Variants in BEGAIN observed in about 807,000 individuals in gnomAD.
BEGAIN encodes the protein brain enriched guanylate kinase associated, also known as brain-enriched guanylate kinase-associated protein.
Under a neutral mutation model 35.8 loss-of-function variants are expected in BEGAIN, and 19 were observed. That is an observed-to-expected ratio of 0.53 (90% confidence interval 0.37 to 0.78). BEGAIN has a LOEUF of 0.78. Ranked by LOEUF, BEGAIN falls within the 30% of genes least tolerant of loss-of-function variation. The pLI is 0.00. For missense variants in BEGAIN, 795 were observed against 853.6 expected, an observed-to-expected ratio of 0.93 and a Z score of 0.85; for synonymous variants, 462 against 388.6, an observed-to-expected ratio of 1.19 and a Z score of -2.22.
Position 100,538,734 on chromosome 14 carries a change from G to T in BEGAIN, c.1074C>A (p.Pro358=). The T allele has an allele frequency of 6.4e-7, 1 of 1,569,642 alleles. No individual in the cohort carries two copies. Among genetic ancestry groups the T allele is most frequent in the Non-Finnish European group, 8.6e-7 (1 of 1,158,140 alleles). Residue 358 remains proline, a synonymous_variant, in exon 7 of 7, where the codon CCC becomes CCA. Transcript: ENST00000554140. ...SRDELFDRKP[P]ATTYEGSPRF... is the part of the protein sequence containing the mutation. ...GAGGGCTGCCCTCGTAGGTGGTGGC[G>T]GGTGGCTTGCGGTCGAAGAGCTCGT...
rs2035466964 is a variant in BEGAIN, at chr14:100,587,269, G to C, written c.22C>G (p.Pro8Ala). MWTGGRRPGRLRRAASAA... is the reference protein window; with the variant it reads MWTGGRRAGRLRRAASAA... Reference sequence around the variant, plus strand: ...CTCACCGCCCGGCGCAGCCGGCCCGGCCGGCGACCGCCAGTCCACATGGCC... The same window carrying C: ...CTCACCGCCCGGCGCAGCCGGCCCGCCCGGCGACCGCCAGTCCACATGGCC... The change falls in exon 1 of 7, where the codon CCG becomes GCG. Residue 8 changes from proline to alanine, a missense_variant. This residue lies in a region of BEGAIN where 58 missense variants were observed against 62.7 expected (regional missense o/e 0.92). Transcript: ENST00000554140. 1 of 189,656 alleles carries C rather than the reference G, an allele frequency of 5.3e-6. No homozygotes were observed. Among genetic ancestry groups the C allele is most frequent in the Admixed American group, 5.4e-5 (1 of 18,538 alleles). 11.7% of individuals were successfully genotyped at this position (189,656 alleles called of 1,614,324 possible).
At chr14:100,571,213 G>A (rs1011775386) in intron 1 of BEGAIN, among the ~76,000 whole-genome samples, 2 of 152,200 alleles carry the variant, frequency 1.3e-5, no homozygotes, top group Non-Finnish European at 2.9e-5. Context: ...CAGCCCAGCA[G>A]CCACCTTTAT....
In BEGAIN at chr14:100,555,679, G is replaced by A. The variant is rs148954384; in HGVS notation, c.72-9017C>T. Among the ~76,000 whole-genome samples the A allele has an allele frequency of 4.3e-3, 662 of 152,354 alleles. 1 individual carries two copies. The highest frequency in any genetic ancestry group is 7.5e-3 in the Non-Finnish European group (510 of 68,036). On this transcript the variant is annotated intron_variant, in intron 2 of 6. Coordinates refer to ENST00000554140, the MANE Select transcript of BEGAIN (RefSeq NM_001385089.1). ...GAGATGCCAGATTTTAATGTAAATA[G>A]TAGCGCTTTAGCCATCCTGGTGCGT...
rs908933191 is a variant in BEGAIN, at chr14:100,568,362, CG to C, written c.43-424del. 10 of 1,164,968 alleles carry C rather than the reference CG, an allele frequency of 8.6e-6. No homozygotes were observed. The African/African-American group carries it at 1.6e-4, about 19-fold the overall frequency. The allele number at this position is 1,164,968 out of a possible 1,614,324, so 72.2% of individuals were successfully genotyped here. On this transcript the variant is annotated intron_variant, in intron 1 of 6. Coordinates refer to ENST00000554140, the MANE Select transcript of BEGAIN (RefSeq NM_001385089.1). This position sits in a 1 kb window ranked among gnomAD's most constrained non-coding sequence, Gnocchi z 7.5. Reference sequence around the variant, plus strand: ...CCCCGCGCTCCCTCCCGGAGGAAGCCGAACCCCGGAATCGCAGAACCTCCGA... The same window carrying C: ...CCCCGCGCTCCCTCCCGGAGGAAGCCAACCCCGGAATCGCAGAACCTCCGA...
rs1595156419 is a variant in BEGAIN at position 100,586,367 on chromosome 14, T to C, written c.42+882A>G. Among the ~76,000 whole-genome samples, 1 of 152,120 alleles carries C rather than the reference T, an allele frequency of 6.6e-6. No individual in the cohort carries two copies. The highest frequency in any genetic ancestry group is 2.1e-4 in the South Asian group (1 of 4,832). ...CTGCACTGGCGGCCGACCTTGGCCA[T>C]GCGGACTTTGCACGTGCAGTGCTCC... On this transcript the variant is annotated intron_variant, in intron 1 of 6. Transcript: ENST00000554140. The surrounding 1 kb of genome is among the most constrained non-coding windows in gnomAD (Gnocchi z 4.9).
At chr14:100,566,615 G>A (rs1036722805) in intron 2 of BEGAIN, among the ~76,000 whole-genome samples, 3 of 152,346 alleles carry the variant, frequency 2.0e-5, no homozygotes, top group African/African-American at 7.2e-5. Flanking sequence ...TGGGCCTGAG[G>A]TCATCTGTGT....
Position 100,538,331 on chromosome 14 carries a change from C to T in BEGAIN, c.1477G>A (p.Asp493Asn). 1 of 1,519,648 alleles carries T rather than the reference C, an allele frequency of 6.6e-7. No individual in the cohort carries two copies. Among genetic ancestry groups the T allele is most frequent in the East Asian group, 2.3e-5 (1 of 43,248 alleles). 94.1% of individuals were successfully genotyped at this position (1,519,648 alleles called of 1,614,324 possible). The change falls in exon 7 of 7, where the codon GAC becomes AAC. Residue 493 changes from aspartate to asparagine, a missense_variant. Asp to Asn is a conservative substitution (Grantham distance 23, BLOSUM62 1). Around this residue, in one of 3 missense-constraint regions of BEGAIN, gnomAD observed 664 missense variants for 647.7 expected, o/e 1.03. Coordinates refer to ENST00000554140, the MANE Select transcript of BEGAIN (RefSeq NM_001385089.1). ...ASPLYASYKA[D>N]SFSEGDDLSQ... ...AGGTCGTCCCCCTCGGAGAAGCTGTCGGCCTTGTAGCTGGCGTAGAGCGGG... is the reference window on the plus strand; with the variant it reads ...AGGTCGTCCCCCTCGGAGAAGCTGTTGGCCTTGTAGCTGGCGTAGAGCGGG...
At chr14:100,575,329 A>G (rs1008973997) in intron 1 of BEGAIN, among the ~76,000 whole-genome samples, 2 of 152,184 alleles carry the variant, frequency 1.3e-5, no homozygotes, top group Admixed American at 1.3e-4. Context: ...TCAACAGACA[A>G]GCCCCTGTGA....
Position 100,568,305 on chromosome 14 carries a change from G to GCTCCCCCCCCCCCCCCCCTTTACCCCTCC in BEGAIN, c.43-367_43-366insGGAGGGGTAAAGGGGGGGGGGGGGGGGAG. ...ACTCTCCGGCGGCCGCGGCCCCGCT[G>GCTCCCCCCCCCCCCCCCCTTTACCCCTCC]CTCCCCCCGCCCCGCCCGTTAACCC... On this transcript the variant is annotated intron_variant, in intron 1 of 6. Transcript: ENST00000554140. This position sits in a 1 kb window ranked among gnomAD's most constrained non-coding sequence, Gnocchi z 7.5. 1.3e-6 allele frequency: 1 copy of GCTCCCCCCCCCCCCCCCCTTTACCCCTCC among 766,382 alleles called. No individual in the cohort carries two copies. The highest frequency in any genetic ancestry group is 2.7e-5 in the Admixed American group (1 of 36,516). 47.5% of individuals were successfully genotyped at this position (766,382 alleles called of 1,614,324 possible).
chr14:100,582,899 T>C (rs992558596), intron 1 of BEGAIN, among the ~76,000 whole-genome samples: 1 of 151,696 alleles, frequency 6.6e-6, no homozygotes, highest in African/African-American at 2.4e-5. Flanking sequence ...GCCTGCGTAG[T>C]ATATGTCTCT....
At chr14:100,570,857 C>T (rs892410352) in intron 1 of BEGAIN, among the ~76,000 whole-genome samples, 1 of 152,202 alleles carries the variant, frequency 6.6e-6, no homozygotes, top group African/African-American at 2.4e-5. Flanking sequence ...GAAACGGAGG[C>T]CAGCGCATGA....
Position 100,540,625 on chromosome 14 carries a change from G to A in BEGAIN, c.409-46C>T, listed in dbSNP as rs770124802. 1.8e-5 allele frequency: 26 copies of A among 1,456,760 alleles called. No individual in the cohort carries two copies. The African/African-American group carries it at 3.4e-4, about 19-fold the overall frequency. The allele number at this position is 1,456,760 out of a possible 1,614,324, so 90.2% of individuals were successfully genotyped here. On this transcript the variant is annotated intron_variant, in intron 5 of 6. Transcript: ENST00000554140. Reference sequence around the variant, plus strand: ...TTTGGCGCCATTCACCCCAGCCAAGGCCCCGCCGCCCTGACCAGCGCCAAG... The same window carrying A: ...TTTGGCGCCATTCACCCCAGCCAAGACCCCGCCGCCCTGACCAGCGCCAAG...
chr14:100,570,222 G>T (rs996376613), intron 1 of BEGAIN, among the ~76,000 whole-genome samples: 9 of 152,206 alleles, frequency 5.9e-5, no homozygotes, highest in African/African-American at 2.2e-4. Context: ...TATTTACATT[G>T]AATGTTTCAG....
chr14:100,580,327 AAAAT>A (rs745439235), intron 1 of BEGAIN, among the ~76,000 whole-genome samples: 8 of 152,124 alleles, frequency 5.3e-5, no homozygotes, highest in Non-Finnish European at 1.2e-4. Context: ...AAATAAAGAA[AAAAT>A]AAATAAAATC....
intron 2 of BEGAIN, 114 bp from the exon 3 acceptor site, chr14:100,546,776 GCGCGCACACACACACACACA>G (rs1217518397): frequency 5.9e-6 from 4 of 677,848 alleles, no homozygotes; most frequent in Non-Finnish European, 8.4e-6. Flanking sequence ...GCGCGCGCGC[GCGCGCACACACACACACACA>G]CACACACACA....
chr14:100,568,939 G>C lies in BEGAIN; in HGVS notation c.43-1000C>G. 1 of 983,436 alleles carries C rather than the reference G, an allele frequency of 1.0e-6. No homozygotes were observed. Among genetic ancestry groups the C allele is most frequent in the Non-Finnish European group, 1.2e-6 (1 of 829,352 alleles). 60.9% of individuals were successfully genotyped at this position (983,436 alleles called of 1,614,324 possible). On this transcript the variant is annotated intron_variant, in intron 1 of 6. Coordinates refer to ENST00000554140, the MANE Select transcript of BEGAIN (RefSeq NM_001385089.1). This position sits in a 1 kb window ranked among gnomAD's most constrained non-coding sequence, Gnocchi z 7.5. ...ACTGCCCATCCCGGCCCCTCGCGCC[G>C]GGCGCCGCCGCCGCGTCCGCCGGGA...
intron 2 of BEGAIN, among the ~76,000 whole-genome samples, chr14:100,552,045 G>T (rs1454545395): frequency 6.6e-6 from 1 of 152,124 alleles, no homozygotes; most frequent in Non-Finnish European, 1.5e-5. Flanking sequence ...GCCCGACCAA[G>T]GCCAGCGATT....
rs1474116881 is a variant in BEGAIN, at chr14:100,558,953, T to C, written c.71+8958A>G. On this transcript the variant is annotated intron_variant, in intron 2 of 6. Coordinates refer to ENST00000554140, the MANE Select transcript of BEGAIN (RefSeq NM_001385089.1). This position sits in a 1 kb window ranked among gnomAD's most constrained non-coding sequence, Gnocchi z 4.6. ...TGGGGCCAGGGCGCGTCCTGGAGATTGGTGTGGCCGGAGCCTGGGGCCTGG... is the reference window on the plus strand; with the variant it reads ...TGGGGCCAGGGCGCGTCCTGGAGATCGGTGTGGCCGGAGCCTGGGGCCTGG... 6.6e-6 allele frequency among the ~76,000 whole-genome samples: 1 copy of C among 151,296 alleles called. No individual in the cohort carries two copies. Among genetic ancestry groups the C allele is most frequent in the East Asian group, 1.9e-4 (1 of 5,140 alleles).
At chr14:100,561,716 G>GAA (rs72116488) in intron 2 of BEGAIN, among the ~76,000 whole-genome samples, 4,836 of 146,344 alleles carry the variant, frequency 0.033, 123 homozygotes, top group African/African-American at 0.069. Flanking sequence ...CAAGACTGTC[G>GAA]AAAAAAAAAA....
Sources: gnomAD v4.1 joint callset for allele counts (sites outside exome capture counted in the v4.1 genomes callset) on GRCh38, gnomAD v4.1.1 for gene constraint, gnomAD v4.1.1 regional missense constraint, Gnocchi (gnomAD v3.1) non-coding constraint, MANE v1.5 for transcripts, NCBI Gene and HGNC (gene_info 2026-07-23, HGNC 2026-07-21) for gene names.